The following GOLM2 variants were observed in gnomAD, a reference collection of about 807,000 sequenced individuals.
GOLM2 encodes protein GOLM2.
Under a neutral mutation model 55.9 loss-of-function variants are expected in GOLM2, and 26 were observed. The ratio of observed to expected loss-of-function variants is 0.47; its 90% CI spans 0.34 to 0.65. The LOEUF (loss-of-function observed/expected upper bound fraction) is 0.65, where lower values mean the gene tolerates loss of function less well. GOLM2 is among the 30% of genes least tolerant of loss of function. The pLI, the probability that GOLM2 is intolerant of heterozygous loss-of-function variation, is 0.01. For missense variants in GOLM2, 486 were observed against 531.8 expected, an observed-to-expected ratio of 0.91 and a Z score of 0.85; for synonymous variants, 165 against 194.6, an observed-to-expected ratio of 0.85 and a Z score of 1.27.
intron 1 of GOLM2, among the ~76,000 whole-genome samples, chr15:44,294,711 CAA>C (rs1415785686): frequency 2.1e-4 from 10 of 47,102 alleles, no homozygotes; most frequent in Admixed American, 4.8e-4. Flanking sequence ...GACTCCATCT[CAA>C]AAAAAAAAAA....
chr15:44,346,682 G>T (rs187181181), intron 6 of GOLM2, among the ~76,000 whole-genome samples: 5 of 152,292 alleles, frequency 3.3e-5, no homozygotes, highest in Non-Finnish European at 5.9e-5. Flanking sequence ...GGACAGTACT[G>T]CTCTAGATTG....
intron 8 of GOLM2, among the ~76,000 whole-genome samples, chr15:44,397,478 C>CAAAAAAAAAA (rs1007948393): frequency 1.2e-4 from 4 of 32,556 alleles, no homozygotes; most frequent in African/African-American, 2.4e-4. Flanking sequence ...GACTCCGTCT[C>CAAAAAAAAAA]AAAAAAAAAA....
At chr15:44,290,025 A>G (rs1456320442) in intron 1 of GOLM2, among the ~76,000 whole-genome samples, 2 of 152,240 alleles carry the variant, frequency 1.3e-5, no homozygotes, top group Non-Finnish European at 2.9e-5. Flanking sequence ...TTAGAATCTG[A>G]AAATAAATTT....
intron 6 of GOLM2, among the ~76,000 whole-genome samples, chr15:44,366,296 C>CAAAAAAAAAAA (rs34413737): frequency 1.3e-4 from 7 of 55,524 alleles, no homozygotes; most frequent in African/African-American, 4.8e-4. Flanking sequence ...GACTCCGTCT[C>CAAAAAAAAAAA]AAAAAAAAAA....
chr15:44,344,191 C>T (rs189844204), intron 6 of GOLM2, among the ~76,000 whole-genome samples: 1 of 149,924 alleles, frequency 6.7e-6, no homozygotes, highest in East Asian at 2.0e-4. Flanking sequence ...GCCCAGGAGG[C>T]GGAGGCTTCA....
intron 2 of GOLM2, among the ~76,000 whole-genome samples, chr15:44,327,594 G>C (rs1406576724): frequency 7.5e-6 from 1 of 133,026 alleles, no homozygotes; most frequent in African/African-American, 3.4e-5. Context: ...ATAGGCCCCT[G>C]TTTTCATTTC....
At chr15:44,363,420 G>A (rs1269078214) in intron 6 of GOLM2, among the ~76,000 whole-genome samples, 1 of 152,210 alleles carries the variant, frequency 6.6e-6, no homozygotes, top group African/African-American at 2.4e-5. Flanking sequence ...AGCCATTTAT[G>A]CAGCCAAAAA....
intron 6 of GOLM2, among the ~76,000 whole-genome samples, chr15:44,361,410 A>G (rs1271694378): frequency 1.3e-5 from 2 of 151,872 alleles, no homozygotes; most frequent in East Asian, 1.9e-4. Context: ...AGAGAATACT[A>G]CAAACACCTC....
intron 6 of GOLM2, among the ~76,000 whole-genome samples, chr15:44,354,291 G>A (rs575220900): frequency 7.1e-6 from 1 of 140,124 alleles, no homozygotes; most frequent in African/African-American, 2.7e-5. Context: ...ACACACCAGG[G>A]CCTGTTGTGT....
At chr15:44,357,649 C>T (rs891264378) in intron 6 of GOLM2, among the ~76,000 whole-genome samples, 3 of 152,024 alleles carry the variant, frequency 2.0e-5, no homozygotes, top group African/African-American at 7.2e-5. Flanking sequence ...ATGTAGAAGA[C>T]CCAAGAGAAC....
At chr15:44,316,692 T>C (rs534727445) in intron 1 of GOLM2, among the ~76,000 whole-genome samples, 44 of 150,046 alleles carry the variant, frequency 2.9e-4, no homozygotes, top group Non-Finnish European at 5.3e-4. Flanking sequence ...GAGGTGGAGG[T>C]TGCAGTGAGC....
intron 1 of GOLM2, among the ~76,000 whole-genome samples, chr15:44,319,558 G>A (rs2078935066): frequency 6.6e-6 from 1 of 151,906 alleles, no homozygotes; most frequent in Non-Finnish European, 1.5e-5. Context: ...TAATGTGTGA[G>A]TGGGGTTTTT....
At chr15:44,379,125 C>T (rs918309030) in intron 6 of GOLM2, among the ~76,000 whole-genome samples, 6 of 152,086 alleles carry the variant, frequency 3.9e-5, no homozygotes, top group Non-Finnish European at 5.9e-5. Context: ...ATAGTGGTGA[C>T]GAAGACAGTT....
chr15:44,408,874 G>A (rs555383011), intron 9 of GOLM2, among the ~76,000 whole-genome samples: 37 of 152,346 alleles, frequency 2.4e-4, no homozygotes, highest in African/African-American at 8.7e-4. Context: ...TGAGGCAGGA[G>A]AATGGTGTGA....
In GOLM2 at chr15:44,288,859, C is replaced by A; in HGVS notation, c.-171C>A. 1 of 615,878 alleles carries A rather than the reference C, an allele frequency of 1.6e-6. No homozygotes were observed. The highest frequency in any genetic ancestry group is 2.8e-6 in the Non-Finnish European group (1 of 356,554). 38.2% of individuals were successfully genotyped at this position (615,878 alleles called of 1,614,324 possible). A position where few individuals can be genotyped will look rare whatever the true frequency, so the allele number is the denominator to read the frequency against. ...ATTTGAGGAGGGGGGCGGGGAGGGA[C>A]CTGCGGCTTGCGGCCCCGCCCCCTT... On this transcript the variant is annotated 5_prime_UTR_variant, in exon 1 of 10. Transcript: ENST00000299957.
chr15:44,362,997 A>G (rs1387557387), intron 6 of GOLM2, among the ~76,000 whole-genome samples: 1 of 152,196 alleles, frequency 6.6e-6, no homozygotes, highest in Non-Finnish European at 1.5e-5. Context: ...CATATGTAGA[A>G]AGCTGAAGCT....
At chr15:44,386,353 G>C (rs1035278306) in intron 8 of GOLM2, among the ~76,000 whole-genome samples, 2 of 152,146 alleles carry the variant, frequency 1.3e-5, no homozygotes, top group Non-Finnish European at 2.9e-5. Flanking sequence ...AGATATATGG[G>C]TTTATTTCTG....
chr15:44,393,141 A>G (rs186543647), intron 8 of GOLM2, among the ~76,000 whole-genome samples: 2 of 151,842 alleles, frequency 1.3e-5, no homozygotes, highest in Admixed American at 1.3e-4. Context: ...GAAAACTCAA[A>G]ACAATTTATA....
chr15:44,313,973 C>T (rs899919077), intron 1 of GOLM2, among the ~76,000 whole-genome samples: 12 of 152,164 alleles, frequency 7.9e-5, no homozygotes, highest in African/African-American at 2.9e-4. Flanking sequence ...CGCAGTGGCT[C>T]ATGCCTGTAA....
Sources: gnomAD v4.1 joint callset for allele counts (sites outside exome capture counted in the v4.1 genomes callset) on GRCh38, gnomAD v4.1.1 for gene constraint, MANE v1.5 for transcripts, NCBI Gene and HGNC (gene_info 2026-07-23, HGNC 2026-07-21) for gene names.